SERPINI2: variants seen among roughly 807,000 people sequenced by gnomAD.
The protein encoded by SERPINI2 is serpin family I member 2, also known as serpin I2.
A neutral mutation model predicts 47.3 loss-of-function variants in SERPINI2; 48 were observed. The ratio of observed to expected loss-of-function variants is 1.02; its 90% CI spans 0.81 to 1.29. SERPINI2 has a LOEUF of 1.29. Ranked by LOEUF, SERPINI2 falls within the 50% of genes most tolerant of loss-of-function variation. The probability of loss-of-function intolerance (pLI) is 0.00; values close to 1 mark genes in which losing one functional copy is unlikely to be tolerated. For synonymous variants in SERPINI2, 135 were observed against 149.3 expected (o/e 0.90, Z 0.70); for missense variants, 448 against 456.9 (o/e 0.98, Z 0.18).
chr3:167,453,511 C>T (rs1206326129), intron 5 of SERPINI2, among the ~76,000 whole-genome samples: 1 of 152,160 alleles, frequency 6.6e-6, no homozygotes, highest in Non-Finnish European at 1.5e-5. Flanking sequence ...TATAACCCAT[C>T]ATTCATCTCG....
Position 167,446,387 on chromosome 3 carries a change from G to C in SERPINI2, c.1141+5C>G, listed in dbSNP as rs766073620. On this transcript the variant is annotated splice_donor_5th_base_variant and intron_variant, in intron 8 of 8. Transcript: ENST00000264677. Reference sequence around the variant, plus strand: ...GTTCCCCCAAATAATTCTCAAAAAAGGTACCTGTTGGATTATGCTTCATAA... The same window carrying C: ...GTTCCCCCAAATAATTCTCAAAAAACGTACCTGTTGGATTATGCTTCATAA... The C allele has an allele frequency of 1.3e-6, 2 of 1,581,946 alleles. No homozygotes were observed. Among genetic ancestry groups the C allele is most frequent in the African/African-American group, 1.4e-5 (1 of 73,764 alleles).
chr3:167,459,360 C>T (rs932586517), intron 5 of SERPINI2, among the ~76,000 whole-genome samples: 1 of 152,124 alleles, frequency 6.6e-6, no homozygotes, highest in Non-Finnish European at 1.5e-5. Flanking sequence ...AGGCGTGAGC[C>T]ACCGCGCCCG....
chr3:167,475,328 C>T (rs1750453411), upstream of SERPINI2, among the ~76,000 whole-genome samples: 1 of 151,762 alleles, frequency 6.6e-6, no homozygotes, highest in South Asian at 2.1e-4. Context: ...TCAATCAATG[C>T]TTTTCTACCC....
chr3:167,470,511 A>G (rs1438037003), intron 2 of SERPINI2, among the ~76,000 whole-genome samples: 1 of 150,300 alleles, frequency 6.7e-6, no homozygotes, highest in East Asian at 1.9e-4. Context: ...ACAACTATAG[A>G]AACTGAGAGC....
Position 167,458,237 on chromosome 3 carries a change from ATTTC to A in SERPINI2, c.867-5208_867-5205del, listed in dbSNP as rs1289348310. Among the ~76,000 whole-genome samples, 34 of 141,860 alleles carry A rather than the reference ATTTC, an allele frequency of 2.4e-4. 2 individuals carry two copies. The East Asian group carries it at 6.2e-3, about 26-fold the overall frequency. 93.1% of individuals were successfully genotyped at this position (141,860 alleles called of 152,430 possible). A position where few individuals can be genotyped will look rare whatever the true frequency, so the allele number is the denominator to read the frequency against. On this transcript the variant is annotated intron_variant, in intron 5 of 8. Transcript: ENST00000264677. ...GTACATTGCTGTGTAGTCTTAGTGA[ATTTC>A]TTTCTTTTTTTTTTTTTTTTTTTTT... is the stretch of plus-strand genomic sequence containing the variant.
intron 1 of SERPINI2, chr3:167,473,697 T>G (rs1317565043): frequency 8.7e-7 from 1 of 1,143,178 alleles, no homozygotes; most frequent in Non-Finnish European, 1.2e-6. Flanking sequence ...CTTAATAAAT[T>G]ATAACCTCAG....
chr3:167,475,664 T>A (rs1410395394), upstream of SERPINI2, among the ~76,000 whole-genome samples: 2 of 150,846 alleles, frequency 1.3e-5, no homozygotes, highest in Non-Finnish European at 3.0e-5. Flanking sequence ...TTACCACAAA[T>A]TTTTAAAATA....
intron 7 of SERPINI2, among the ~76,000 whole-genome samples, chr3:167,447,614 G>A (rs183612680): frequency 3.3e-5 from 5 of 152,216 alleles, no homozygotes; most frequent in African/African-American, 9.6e-5. Context: ...CATGAGTTGC[G>A]TTCAAATTCT....
At chr3:167,473,925 C>G in intron 1 of SERPINI2, 78 bp downstream of exon 1, 1 of 1,174,680 alleles carries the variant, frequency 8.5e-7, no homozygotes, top group Non-Finnish European at 1.1e-6. Flanking sequence ...AATGCCATTC[C>G]ATACTCTACT....
exon 7 of SERPINI2, chr3:167,449,317 A>C (rs1749574358): frequency 2.5e-6 from 4 of 1,608,154 alleles, no homozygotes; most frequent in Middle Eastern, 1.6e-4. Flanking sequence ...TCACCCTACC[A>C]GTTGATGTTG....
chr3:167,462,338 G>T (rs975404702), intron 5 of SERPINI2, among the ~76,000 whole-genome samples: 1 of 152,186 alleles, frequency 6.6e-6, no homozygotes, highest in East Asian at 1.9e-4. Flanking sequence ...CACAGTTGCA[G>T]AGGCTAGAGG....
rs1560235240 is a variant in SERPINI2, at chr3:167,465,440, C to A, written c.673+39G>T. 3.7e-6 allele frequency: 6 copies of A among 1,606,456 alleles called. No individual in the cohort carries two copies. In the African/African-American group the frequency reaches 6.7e-5, roughly 18 times the overall value. The stretch of plus-strand genomic sequence containing the variant: ...AAAATATCAAATATACTTGGCAATT[C>A]TCAAGACTATGCTTAGGAACTGTGG... On this transcript the variant is annotated intron_variant, in intron 4 of 8. Transcript: ENST00000264677.
chr3:167,456,748 T>C (rs758571584), intron 5 of SERPINI2, among the ~76,000 whole-genome samples: 2 of 152,172 alleles, frequency 1.3e-5, no homozygotes, highest in Non-Finnish European at 2.9e-5. Flanking sequence ...AAACTAGACC[T>C]TCATCAAATT....
At chr3:167,460,161 G>A (rs2108164112) in intron 5 of SERPINI2, among the ~76,000 whole-genome samples, 1 of 152,206 alleles carries the variant, frequency 6.6e-6, no homozygotes, top group Non-Finnish European at 1.5e-5. Flanking sequence ...AGCAGCTCTA[G>A]GAAATTAATG....
chr3:167,476,260 C>A (rs936001937), upstream of SERPINI2, among the ~76,000 whole-genome samples: 5 of 151,774 alleles, frequency 3.3e-5, no homozygotes, highest in Non-Finnish European at 5.9e-5. Context: ...CAGGTGAGAT[C>A]CTGCTACCTG....
chr3:167,463,031 C>T (rs1199306922), intron 5 of SERPINI2, among the ~76,000 whole-genome samples: 1 of 152,160 alleles, frequency 6.6e-6, no homozygotes, highest in Middle Eastern at 3.4e-3. Context: ...CAATAAGTAT[C>T]ATTATCCACA....
At chr3:167,467,954 G>C (rs1396966165) in intron 2 of SERPINI2, among the ~76,000 whole-genome samples, 3 of 152,126 alleles carry the variant, frequency 2.0e-5, no homozygotes, top group Non-Finnish European at 4.4e-5. Context: ...TCAACTAAAA[G>C]AATCACTTTC....
At chr3:167,442,921 A>G (rs1749367845) in intron 8 of SERPINI2, among the ~76,000 whole-genome samples, 1 of 152,212 alleles carries the variant, frequency 6.6e-6, no homozygotes. Context: ...ATAAAGGTTA[A>G]TTTCAAAGGC....
intron 5 of SERPINI2, among the ~76,000 whole-genome samples, chr3:167,456,150 C>CTGTGTGTGTGTGTGTGTGTGTG (rs68048909): frequency 1.4e-5 from 2 of 144,406 alleles, no homozygotes; most frequent in Non-Finnish European, 3.0e-5. Flanking sequence ...TCAATTACCT[C>CTGTGTGTGTGTGTGTGTGTGTG]TGTGTGTGTG....
Sources: allele counts gnomAD v4.1 joint callset (sites outside exome capture counted in the v4.1 genomes callset), GRCh38; gene constraint gnomAD v4.1.1; transcripts MANE v1.5; gene names NCBI Gene and HGNC (gene_info 2026-07-23, HGNC 2026-07-21).